The following TGM1 variants were observed in gnomAD, a reference collection of about 807,000 sequenced individuals.
TGM1 encodes transglutaminase 1.
TGM1 carries 63 observed loss-of-function variants against 88.7 expected under a neutral mutation model. The observed-to-expected ratio is 0.71, with a 90% CI of 0.58 to 0.88. The LOEUF (loss-of-function observed/expected upper bound fraction) is 0.88, where lower values mean the gene tolerates loss of function less well. TGM1 is among the 40% of genes least tolerant of loss of function. The pLI, the probability that TGM1 is intolerant of heterozygous loss-of-function variation, is 0.00. For missense variants in TGM1, 996 were observed against 1,118.0 expected, an observed-to-expected ratio of 0.89 and a Z score of 1.56; for synonymous variants, 415 against 431.1, an observed-to-expected ratio of 0.96 and a Z score of 0.46.
chr14:24,254,230 G>A lies in TGM1; in HGVS notation c.2147C>T (p.Pro716Leu), dbSNP rs767855778. Residue 716 changes from proline (P) to leucine (L), a missense_variant, in exon 14 of 15, where the codon CCC (proline) becomes CTC (leucine). Physicochemically the swap from Pro to Leu is moderately conservative, Grantham distance 98 (BLOSUM62 -3). Transcript: ENST00000206765. ...ECEVQIVFKNPLPVTLTNVVF... is the reference protein window; with the variant it reads ...ECEVQIVFKNLLPVTLTNVVF... ...GACATTGGTGAGGGTGACGGGAAGG[G>A]GGTTCTTGAAGACAATCTGTACTTC... 6.2e-7 allele frequency: 1 copy of A among 1,614,020 alleles called. No homozygotes were observed. The highest frequency in any genetic ancestry group is 8.5e-7 in the Non-Finnish European group (1 of 1,179,990).
chr14:24,258,772 A>G, intron 7 of TGM1, 99 bp from the exon 8 acceptor site: 1 of 1,534,548 alleles, frequency 6.5e-7, no homozygotes, highest in Non-Finnish European at 8.9e-7. Flanking sequence ...AGGATTGCCA[A>G]GCTGGGCATA....
In TGM1 at chr14:24,258,570, C is replaced by T; in HGVS notation, c.1263G>A (p.Met421Ile). The T allele has an allele frequency of 6.2e-7, 1 of 1,614,144 alleles. No individual in the cohort carries two copies. Among genetic ancestry groups the T allele is most frequent in the Non-Finnish European group, 8.5e-7 (1 of 1,180,012 alleles). Residue 421 changes from methionine to isoleucine, a missense_variant, in exon 8 of 15, where the codon ATG (methionine) becomes ATA (isoleucine). Transcript: ENST00000206765. ...LTMDIYFDEN[M>I]KPLEHLNHDS... ...CATGGTTCAGGTGCTCCAGGGGCTTCATGTTCTCGTCGAAGTAGATGTCCA... is the reference window on the plus strand; with the variant it reads ...CATGGTTCAGGTGCTCCAGGGGCTTTATGTTCTCGTCGAAGTAGATGTCCA...
At chr14:24,261,668 A>G (rs2040809507) in intron 3 of TGM1, 27 bp downstream of exon 3, 1 of 1,613,644 alleles carries the variant, frequency 6.2e-7, no homozygotes, top group East Asian at 2.2e-5. Context: ...TAGGGCCTTC[A>G]CCCGTCCCAA....
At chr14:24,256,156 A>G in intron 9 of TGM1, 79 bp from the exon 10 acceptor site, 1 of 1,260,726 alleles carries the variant, frequency 7.9e-7, no homozygotes, top group Non-Finnish European at 1.1e-6. Context: ...AGGTCCACAC[A>G]GGGCCCCAGC....
Position 24,259,696 on chromosome 14 carries a change from G to T in TGM1, c.984+8C>A. 6.2e-7 allele frequency: 1 copy of T among 1,605,962 alleles called. No homozygotes were observed. Among genetic ancestry groups the T allele is most frequent in the Non-Finnish European group, 8.5e-7 (1 of 1,175,574 alleles). ...CACAGTAGGACTCAGAGATGTGAGG[G>T]TGCTCACCATGGCAGAGATGACCCG... On this transcript the variant is annotated splice_region_variant and intron_variant, in intron 6 of 14. Transcript: ENST00000206765. This position sits in a 1 kb window ranked among gnomAD's most constrained non-coding sequence, Gnocchi z 5.7.
In TGM1 at chr14:24,262,184, C is replaced by A; in HGVS notation, c.169G>T (p.Ala57Ser). The change falls in exon 2 of 15, where the codon GCA (alanine) becomes TCA (serine). Residue 57 changes from alanine (A) to serine (S), a missense_variant. By Grantham distance (99) the Ala-to-Ser change is moderately conservative (BLOSUM62 1). Coordinates refer to ENST00000206765, the MANE Select transcript of TGM1 (RefSeq NM_000359.3). ...CCGCCSCRNAADDDWGPEPSD... is the reference protein window; with the variant it reads ...CCGCCSCRNASDDDWGPEPSD... Reference sequence around the variant, plus strand: ...GGTTCAGGTCCCCAGTCGTCATCTGCCGCATTTCGGCATGAACAGCAGCCA... The same window carrying A: ...GGTTCAGGTCCCCAGTCGTCATCTGACGCATTTCGGCATGAACAGCAGCCA... 1.2e-6 allele frequency: 2 copies of A among 1,613,788 alleles called. No homozygotes were observed. Among genetic ancestry groups the A allele is most frequent in the Non-Finnish European group, 1.7e-6 (2 of 1,180,044 alleles).
intron 3 of TGM1, among the ~76,000 whole-genome samples, 166 bp downstream of exon 3, chr14:24,261,529 T>C (rs946685612): frequency 1.3e-5 from 2 of 151,982 alleles, no homozygotes; most frequent in African/African-American, 2.4e-5. Context: ...ACCAAGACCC[T>C]CTCTGAGACA....
chr14:24,258,713 G>T (rs2040779629), intron 7 of TGM1, 40 bp from the exon 8 acceptor site: 1 of 1,610,424 alleles, frequency 6.2e-7, no homozygotes. Context: ...GCATGGGTTG[G>T]GGGCAAGTGA....
intron 12 of TGM1, 70 bp downstream of exon 12, chr14:24,254,902 G>A: frequency 6.2e-7 from 1 of 1,612,652 alleles, no homozygotes; most frequent in South Asian, 1.1e-5. Flanking sequence ...CACTGCTCCT[G>A]GGGTCTCCAT....
chr14:24,259,252 G>T lies in TGM1; in HGVS notation c.985-3C>A. On this transcript the variant is annotated splice_region_variant and splice_polypyrimidine_tract_variant and intron_variant, in intron 6 of 14. Transcript: ENST00000206765. The surrounding 1 kb of genome is among the most constrained non-coding windows in gnomAD (Gnocchi z 5.7). ...CCATTGTCATCCAGGGAGTTCACCT[G>T]CCCAGGACAGGATGAGATAGGGCGG... 6.2e-7 allele frequency: 1 copy of T among 1,610,882 alleles called. No homozygotes were observed. Among genetic ancestry groups the T allele is most frequent in the Non-Finnish European group, 8.5e-7 (1 of 1,178,502 alleles).
In TGM1 at chr14:24,260,673, G is replaced by A; in HGVS notation, c.534C>T (p.Gly178=). 2 of 1,614,122 alleles carry A rather than the reference G, an allele frequency of 1.2e-6. No individual in the cohort carries two copies. The highest frequency in any genetic ancestry group is 1.7e-6 in the Non-Finnish European group (2 of 1,180,024). ...LIGNNPEVGK[G]THVIIPVGKG... ...TGCCCACTGGGATGATCACGTGCGT[G>A]CCCTTGCCCACCTCGGGGTTGTTTC... is the stretch of plus-strand genomic sequence containing the variant. The change falls in exon 4 of 15, where the codon GGC becomes GGT. Residue 178 remains glycine, a synonymous_variant. Transcript: ENST00000206765.
rs758380663 is a variant in TGM1, at chr14:24,254,723, C to T, written c.2029G>A (p.Gly677Arg). Reference sequence around the variant, plus strand: ...GTGTGCTGCTTGGCCAGCACCTGCCCGCTCTCCTTGACGTGGCCTGAGACA... The same window carrying T: ...GTGTGCTGCTTGGCCAGCACCTGCCTGCTCTCCTTGACGTGGCCTGAGACA... ...LNVSGHVKES[G>R]QVLAKQHTFR... The change falls in exon 13 of 15, where the codon GGG (glycine) becomes AGG (arginine). Residue 677 changes from glycine (G) to arginine (R), a missense_variant. Physicochemically the swap from Gly to Arg is moderately radical, Grantham distance 125. Coordinates refer to ENST00000206765, the MANE Select transcript of TGM1 (RefSeq NM_000359.3). 7.2e-5 allele frequency: 117 copies of T among 1,613,928 alleles called. No homozygotes were observed. Among genetic ancestry groups the T allele is most frequent in the African/African-American group, 2.1e-4 (16 of 74,936 alleles).
intron 9 of TGM1, among the ~76,000 whole-genome samples, chr14:24,257,519 T>G (rs1457712580): frequency 6.6e-6 from 1 of 152,214 alleles, no homozygotes; most frequent in Non-Finnish European, 1.5e-5. Context: ...TTCTATGCTG[T>G]ATATATAACT....
In TGM1 at chr14:24,259,333, C is replaced by T. The variant is rs544224249; in HGVS notation, c.985-84G>A. 25 of 1,372,696 alleles carry T rather than the reference C, an allele frequency of 1.8e-5. No individual in the cohort carries two copies. The highest frequency in any genetic ancestry group is 1.8e-4 in the Middle Eastern group (1 of 5,560). The allele number at this position is 1,372,696 out of a possible 1,614,324, so 85.0% of individuals were successfully genotyped here. A position where few individuals can be genotyped will look rare whatever the true frequency, so the allele number is the denominator to read the frequency against. On this transcript the variant is annotated intron_variant, in intron 6 of 14. Transcript: ENST00000206765. This position sits in a 1 kb window ranked among gnomAD's most constrained non-coding sequence, Gnocchi z 5.7. ...TGGTCCATGGGGACCAGCCGGGCCC[C>T]GATCCTGCAACCACCCCTTACCCCT...
At chr14:24,260,250 T>C in intron 4 of TGM1, 192 bp from the exon 5 acceptor site, 1 of 1,001,434 alleles carries the variant, frequency 1.0e-6, no homozygotes, top group Non-Finnish European at 1.5e-6. Context: ...CCAGGGGCCT[T>C]TGCCAGGAGA....
Position 24,249,177 on chromosome 14 carries a change from CG to C in TGM1, c.*135del. On this transcript the variant is annotated 3_prime_UTR_variant, in exon 15 of 15. Coordinates refer to ENST00000206765, the MANE Select transcript of TGM1 (RefSeq NM_000359.3). ...TGCAAGTGAAGACTGACTCCCTCTC[CG>C]GGAGCCCTGGACTCCCCCTCCGGGA... The C allele has an allele frequency of 4.2e-3, 1 of 236 alleles. No individual in the cohort carries two copies. Among genetic ancestry groups the C allele is most frequent in the South Asian group, 0.25 (1 of 4 alleles). The allele number at this position is 236 out of a possible 1,614,324, so 0.0% of individuals were successfully genotyped here. A position where few individuals can be genotyped will look rare whatever the true frequency, so the allele number is the denominator to read the frequency against.
chr14:24,254,048 C>A, intron 14 of TGM1, 104 bp downstream of exon 14: 4 of 1,516,200 alleles, frequency 2.6e-6, no homozygotes, highest in Non-Finnish European at 3.6e-6. Flanking sequence ...TGGGTCCTGA[C>A]AGAACATACT....
At position 24,255,281 on chromosome 14, in the gene TGM1, T is replaced by A. The variant is rs2040740506; in HGVS notation, c.1646-28A>T. The A allele has an allele frequency of 6.2e-7, 1 of 1,614,134 alleles. No homozygotes were observed. The highest frequency in any genetic ancestry group is 1.1e-5 in the South Asian group (1 of 91,080). On this transcript the variant is annotated intron_variant, in intron 11 of 14. Transcript: ENST00000206765. This position sits in a 1 kb window ranked among gnomAD's most constrained non-coding sequence, Gnocchi z 4.0. The stretch of plus-strand genomic sequence containing the variant: ...GGGGGTTGAGGGTCAAGGGTGAGGT[T>A]CCAATTCCCACGTGGGTGGCCAAGC...
intron 7 of TGM1, 85 bp from the exon 8 acceptor site, chr14:24,258,758 A>C: frequency 6.3e-7 from 1 of 1,576,094 alleles, no homozygotes; most frequent in Admixed American, 1.7e-5. Flanking sequence ...GGAGAAGGGC[A>C]ACTAGGATTG....
Sources: gnomAD v4.1 joint callset for allele counts (sites outside exome capture counted in the v4.1 genomes callset) on GRCh38, gnomAD v4.1.1 for gene constraint, Gnocchi (gnomAD v3.1) non-coding constraint, MANE v1.5 for transcripts, NCBI Gene and HGNC (gene_info 2026-07-23, HGNC 2026-07-21) for gene names.